MTPAP: variants seen among roughly 807,000 people sequenced by gnomAD.
MTPAP encodes poly(A) RNA polymerase, mitochondrial.
MTPAP carries 23 observed loss-of-function variants against 48.7 expected under a neutral mutation model. That is an observed-to-expected ratio of 0.47 (90% CI 0.34 to 0.67). MTPAP has a LOEUF of 0.67. MTPAP is among the 30% of genes least tolerant of loss of function. The probability of loss-of-function intolerance (pLI) is 0.01; values close to 1 mark genes in which losing one functional copy is unlikely to be tolerated. For synonymous variants in MTPAP, 257 were observed against 254.1 expected (o/e 1.01, Z -0.11); for missense variants, 614 against 694.3 (o/e 0.88, Z 1.30).
intron 8 of MTPAP, among the ~76,000 whole-genome samples, chr10:30,315,589 C>T (rs1433962559): frequency 2.0e-5 from 3 of 151,696 alleles, no homozygotes; most frequent in Admixed American, 1.3e-4. Context: ...TGAAATCTAT[C>T]TTTGGGACTT....
intron 1 of MTPAP, 28 bp from the exon 2 acceptor site, chr10:30,341,668 C>G: frequency 6.2e-7 from 1 of 1,611,514 alleles, no homozygotes; most frequent in Non-Finnish European, 8.5e-7. Context: ...ACATTTCCAC[C>G]ACACGCACAC....
chr10:30,313,766 A>C lies in MTPAP; in HGVS notation c.1592T>G (p.Leu531Trp). The change falls in exon 9 of 9, where the codon TTG becomes TGG. Residue 531 changes from leucine (L) to tryptophan (W), a missense_variant. Physicochemically the swap from Leu to Trp is moderately conservative, Grantham distance 61. Around this residue, in one of 5 missense-constraint regions of MTPAP, gnomAD observed 109 missense variants for 100.5 expected, o/e 1.08. Coordinates refer to ENST00000263063, the MANE Select transcript of MTPAP (RefSeq NM_018109.4). ...CTTTCTGTTTGGAGCAGATGGTAGC[A>C]ATAGGGATACCAGCCCCCAGGGCCG... ...SNRPWGLVSLLLPSAPNRKSF... is the reference protein window; with the variant it reads ...SNRPWGLVSLWLPSAPNRKSF... 2 of 1,614,170 alleles carry C rather than the reference A, an allele frequency of 1.2e-6. No homozygotes were observed. Among genetic ancestry groups the C allele is most frequent in the Non-Finnish European group, 1.7e-6 (2 of 1,179,984 alleles).
At chr10:30,333,634 G>A (rs1454759689) in intron 4 of MTPAP, among the ~76,000 whole-genome samples, 8 of 152,250 alleles carry the variant, frequency 5.3e-5, no homozygotes, top group African/African-American at 1.7e-4. Context: ...GGCCGGATGC[G>A]GTGGCTTACG....
Position 30,322,590 on chromosome 10 carries a change from A to C in MTPAP, c.1020T>G (p.Leu340=), listed in dbSNP as rs1840738403. The change falls in exon 6 of 9, where the codon CTT becomes CTG. Residue 340 remains leucine, a synonymous_variant. Coordinates refer to ENST00000263063, the MANE Select transcript of MTPAP (RefSeq NM_018109.4). The part of the protein sequence containing the change: ...NRIALTSSEL[L]YIYGALDSRV... ...TTGAGTCTAGGGCACCATATATATA[A>C]AGGAGTTCGGAACTTGTCAAGGCAA... is the stretch of plus-strand genomic sequence containing the variant. 1 of 1,613,514 alleles carries C rather than the reference A, an allele frequency of 6.2e-7. No homozygotes were observed. The highest frequency in any genetic ancestry group is 1.3e-5 in the African/African-American group (1 of 74,902).
chr10:30,335,417 C>T (rs928221093), intron 4 of MTPAP, among the ~76,000 whole-genome samples: 3 of 152,042 alleles, frequency 2.0e-5, no homozygotes, highest in African/African-American at 4.8e-5. Flanking sequence ...ACTTGGAAGG[C>T]GGAAGTTGCT....
chr10:30,314,884 C>CAAAAAAAAAAAAAAAAAAAA (rs34249388), intron 8 of MTPAP, among the ~76,000 whole-genome samples: 128 of 110,740 alleles, frequency 1.2e-3, no homozygotes, highest in Non-Finnish European at 1.3e-3. Flanking sequence ...AAAACAAAAA[C>CAAAAAAAAAAAAAAAAAAAA]AAAAAAAAAA....
intron 5 of MTPAP, among the ~76,000 whole-genome samples, chr10:30,325,694 C>T (rs754420620): frequency 2.6e-5 from 4 of 151,916 alleles, no homozygotes; most frequent in Admixed American, 6.6e-5. Flanking sequence ...TGCAGTGAGC[C>T]GAGATCGTGC....
At position 30,310,929 on chromosome 10, in the gene MTPAP, G is replaced by C. The variant is rs888806725; in HGVS notation, c.*2680C>G. On this transcript the variant is annotated 3_prime_UTR_variant, in exon 9 of 9. Transcript: ENST00000263063. ...AAAAAACAAAAAACAAGTCTTTGTA[G>C]ATTTAAAATTAATCACATAATTAAA... The C allele has an allele frequency of 6.6e-6, 1 of 151,716 alleles. No homozygotes were observed. The highest frequency in any genetic ancestry group is 1.5e-5 in the Non-Finnish European group (1 of 67,928). The allele number at this position is 151,716 out of a possible 1,614,324, so 9.4% of individuals were successfully genotyped here. A position where few individuals can be genotyped will look rare whatever the true frequency, so the allele number is the denominator to read the frequency against.
chr10:30,323,735 C>T (rs1036977036), intron 5 of MTPAP, among the ~76,000 whole-genome samples: 4 of 152,222 alleles, frequency 2.6e-5, no homozygotes, highest in African/African-American at 4.8e-5. Flanking sequence ...TGGTCTCAAT[C>T]TCCTGACCTC....
intron 3 of MTPAP, among the ~76,000 whole-genome samples, chr10:30,337,503 C>T (rs999814722): frequency 6.6e-6 from 1 of 152,072 alleles, no homozygotes; most frequent in African/African-American, 2.4e-5. Context: ...CTTTGGAAGG[C>T]CAAGGCGGAT....
At chr10:30,344,063 A>C (rs1383983521) in intron 1 of MTPAP, among the ~76,000 whole-genome samples, 2 of 150,826 alleles carry the variant, frequency 1.3e-5, no homozygotes, top group Non-Finnish European at 3.0e-5. Context: ...TTTTTTTTTT[A>C]AGTCTTATTC....
intron 4 of MTPAP, among the ~76,000 whole-genome samples, chr10:30,327,653 C>T (rs1387404895): frequency 6.6e-6 from 1 of 151,906 alleles, no homozygotes; most frequent in Non-Finnish European, 1.5e-5. Context: ...CTAGACCAGC[C>T]TGGCCAACAT....
At chr10:30,324,327 T>C (rs566668484) in intron 5 of MTPAP, among the ~76,000 whole-genome samples, 10 of 152,122 alleles carry the variant, frequency 6.6e-5, no homozygotes, top group Admixed American at 4.6e-4. Context: ...CTAGGTAACA[T>C]AGTAAGACCC....
intron 1 of MTPAP, 114 bp from the exon 2 acceptor site, chr10:30,341,754 A>C: frequency 3.7e-6 from 4 of 1,084,254 alleles, no homozygotes; most frequent in Non-Finnish European, 5.6e-6. Flanking sequence ...CACCTAATCT[A>C]TTTTTTCTCT....
At position 30,349,217 on chromosome 10, in the gene MTPAP, G is replaced by C; in HGVS notation, c.59C>G (p.Thr20Ser). The C allele has an allele frequency of 1.3e-6, 2 of 1,553,028 alleles. No homozygotes were observed. Among genetic ancestry groups the C allele is most frequent in the Non-Finnish European group, 1.7e-6 (2 of 1,142,972 alleles). ...TRLNLCARRRTRVQRPIVRLL... is the reference protein window; with the variant it reads ...TRLNLCARRRSRVQRPIVRLL... ...CCTGACGATAGGCCGCTGGACTCGA[G>C]TTCTTCTCCGGGCACACAGGTTCAA... Residue 20 changes from threonine (T) to serine (S), a missense_variant, in exon 1 of 9, where the codon ACT (threonine) becomes AGT (serine). Thr to Ser is a moderately conservative substitution (Grantham distance 58). This residue lies in a region of MTPAP where 125 missense variants were observed against 111.5 expected (regional missense o/e 1.12). Transcript: ENST00000263063.
intron 4 of MTPAP, among the ~76,000 whole-genome samples, chr10:30,331,716 G>A (rs768413890): frequency 1.8e-4 from 27 of 152,134 alleles, no homozygotes; most frequent in Non-Finnish European, 2.8e-4. Flanking sequence ...ACAGGCACCC[G>A]CCATCATGCC....
chr10:30,324,878 C>T lies in MTPAP; in HGVS notation c.992+1546G>A, dbSNP rs545300437. 7.9e-5 allele frequency among the ~76,000 whole-genome samples: 12 copies of T among 151,878 alleles called. No individual in the cohort carries two copies. The South Asian group carries it at 2.3e-3, about 29-fold the overall frequency. On this transcript the variant is annotated intron_variant, in intron 5 of 8. Coordinates refer to ENST00000263063, the MANE Select transcript of MTPAP (RefSeq NM_018109.4). Reference sequence around the variant, plus strand: ...ATGATCACATGTGCCTGTCCCAGCTCGGAAGGCTGAGGCAGGAGAATTGAT... The same window carrying T: ...ATGATCACATGTGCCTGTCCCAGCTTGGAAGGCTGAGGCAGGAGAATTGAT...
At chr10:30,347,916 G>A (rs1218949579) in intron 1 of MTPAP, among the ~76,000 whole-genome samples, 1 of 150,500 alleles carries the variant, frequency 6.6e-6, no homozygotes, top group Non-Finnish European at 1.5e-5. Flanking sequence ...AAAACAGTGG[G>A]TTTTTTAATT....
chr10:30,336,234 G>C (rs1412114302), intron 4 of MTPAP, among the ~76,000 whole-genome samples: 1 of 152,008 alleles, frequency 6.6e-6, no homozygotes, highest in Admixed American at 6.6e-5. Flanking sequence ...GAAGACATGT[G>C]AGACAACTAC....
Sources: gnomAD v4.1 joint callset for allele counts (sites outside exome capture counted in the v4.1 genomes callset) on GRCh38, gnomAD v4.1.1 for gene constraint, gnomAD v4.1.1 regional missense constraint, MANE v1.5 for transcripts, NCBI Gene and HGNC (gene_info 2026-07-23, HGNC 2026-07-21) for gene names.